Variants in SLC17A9 observed in about 807,000 individuals in gnomAD.
SLC17A9 encodes the protein voltage-gated purine nucleotide uniporter SLC17A9.
A neutral mutation model predicts 55.0 loss-of-function variants in SLC17A9; 49 were observed. That is an observed-to-expected ratio of 0.89 (90% CI 0.71 to 1.13). The LOEUF (loss-of-function observed/expected upper bound fraction) is 1.13, where lower values mean the gene tolerates loss of function less well. Among genes scored for constraint, SLC17A9 ranks in the 50% most tolerant of loss-of-function variants. The pLI is 0.00. For missense variants in SLC17A9, 526 were observed against 569.3 expected (o/e 0.92, Z 0.77); for synonymous variants, 256 against 247.4 (o/e 1.03, Z -0.32).
Position 62,967,500 on chromosome 20 carries a change from G to T in SLC17A9, c.1311G>T (p.Ter437TyrextTer136), listed in dbSNP as rs2065651470. 6.2e-6 allele frequency: 10 copies of T among 1,613,396 alleles called. No homozygotes were observed. Among genetic ancestry groups the T allele is most frequent in the Non-Finnish European group, 8.5e-6 (10 of 1,179,546 alleles). The change falls in exon 13 of 13, where the codon TAG becomes TAT. Residue 437 changes from the stop codon to tyrosine (Y), a stop_lost. Coordinates refer to ENST00000370351, the MANE Select transcript of SLC17A9 (RefSeq NM_022082.4). ...TGAGCTCTACCCATGAGGACCTCTA[G>T]CTCCCAACCCCACAGCCTCTCCAAG... ...VDLSSTHEDL[*>Y] is the part of the protein sequence containing the mutation.
At chr20:62,964,154 C>G in intron 7 of SLC17A9, 74 bp from the exon 8 acceptor site, 2 of 1,497,656 alleles carry the variant, frequency 1.3e-6, no homozygotes, top group African/African-American at 1.4e-5. Context: ...GGGGCGCTGT[C>G]CAGCCTGAGT....
rs756830899 is a variant in SLC17A9, at chr20:62,962,898, G to A, written c.628+144G>A. Reference sequence around the variant, plus strand: ...AAAGAATCCGCCAGTGAGGAAAAGCGCTCGGGTGCTGAGCTGTCAGCGGCT... The same window carrying A: ...AAAGAATCCGCCAGTGAGGAAAAGCACTCGGGTGCTGAGCTGTCAGCGGCT... On this transcript the variant is annotated intron_variant, in intron 5 of 12. Transcript: ENST00000370351. This position sits in a 1 kb window ranked among gnomAD's most constrained non-coding sequence, Gnocchi z 5.5. The A allele has an allele frequency of 4.1e-6, 5 of 1,220,040 alleles. No individual in the cohort carries two copies. The highest frequency in any genetic ancestry group is 2.4e-5 in the Admixed American group (1 of 42,470). 75.6% of individuals were successfully genotyped at this position (1,220,040 alleles called of 1,614,324 possible).
rs1418230741 is a variant in SLC17A9 at position 62,958,935 on chromosome 20, G to A, written c.397+1355G>A. 2.0e-5 allele frequency among the ~76,000 whole-genome samples: 3 copies of A among 152,258 alleles called. No individual in the cohort carries two copies. The East Asian group carries it at 5.8e-4, about 29-fold the overall frequency. On this transcript the variant is annotated intron_variant, in intron 3 of 12. Transcript: ENST00000370351. The surrounding 1 kb of genome is among the most constrained non-coding windows in gnomAD (Gnocchi z 4.1). ...TGCAACTGAGGACTTAGGATTGTGT[G>A]TTTACTGTGAGGCCCCATCCCAGAG...
rs1431852159 is a variant in SLC17A9 at position 62,963,995 on chromosome 20, C to T, written c.823-233C>T. On this transcript the variant is annotated intron_variant, in intron 7 of 12. Transcript: ENST00000370351. The stretch of plus-strand genomic sequence containing the variant: ...AGCCTGAGGAGGCCGGTGCAGAAGC[C>T]GGGATGTGGACAGAGGGGTCACCTG... 5.5e-5 allele frequency: 33 copies of T among 605,044 alleles called. No individual in the cohort carries two copies. The Middle Eastern group carries it at 1.8e-3, about 32-fold the overall frequency. 37.5% of individuals were successfully genotyped at this position (605,044 alleles called of 1,614,324 possible).
intron 4 of SLC17A9, 90 bp downstream of exon 4, chr20:62,960,693 A>C: frequency 7.8e-7 from 1 of 1,277,274 alleles, no homozygotes; most frequent in Non-Finnish European, 1.1e-6. Context: ...GATGGGCCAC[A>C]TGGGCTTGCA....
At chr20:62,955,004 A>G (rs1331356482) in intron 1 of SLC17A9, among the ~76,000 whole-genome samples, 1 of 151,616 alleles carries the variant, frequency 6.6e-6, no homozygotes, top group Non-Finnish European at 1.5e-5. Context: ...TCTGTTGCCC[A>G]GGCTAGAGTG....
chr20:62,967,634 A>G lies in SLC17A9; in HGVS notation c.*134A>G. ...GAACACAAACCACTGTGGAGCCTGA[A>G]GCTCCTTAAGAAGAGTCCACAACAG... On this transcript the variant is annotated 3_prime_UTR_variant, in exon 13 of 13. Transcript: ENST00000370351. The G allele has an allele frequency of 2.1e-6, 1 of 472,706 alleles. No individual in the cohort carries two copies. Among genetic ancestry groups the G allele is most frequent in the Non-Finnish European group, 3.2e-6 (1 of 309,522 alleles). The allele number at this position is 472,706 out of a possible 1,614,324, so 29.3% of individuals were successfully genotyped here.
chr20:62,957,294 A>T (rs760323985), intron 2 of SLC17A9, 147 bp from the exon 3 acceptor site: 9 of 1,474,442 alleles, frequency 6.1e-6, no homozygotes, highest in Non-Finnish European at 8.0e-6. Flanking sequence ...TCTCCTCACG[A>T]GGCAGCTCTG....
rs770915034 is a variant in SLC17A9, at chr20:62,960,611, C to T, written c.497+8C>T. The T allele has an allele frequency of 1.2e-6, 2 of 1,608,808 alleles. No homozygotes were observed. Among genetic ancestry groups the T allele is most frequent in the African/African-American group, 1.3e-5 (1 of 75,040 alleles). On this transcript the variant is annotated splice_region_variant and intron_variant, in intron 4 of 12. Coordinates refer to ENST00000370351, the MANE Select transcript of SLC17A9 (RefSeq NM_022082.4). ...CGCCGGCTCCCAGTTTGGGTAAGTCCTGGCCTAAGACGGGGCCCAGGAGAG... is the reference window on the plus strand; with the variant it reads ...CGCCGGCTCCCAGTTTGGGTAAGTCTTGGCCTAAGACGGGGCCCAGGAGAG...
At position 62,952,775 on chromosome 20, in the gene SLC17A9, T is replaced by C. The variant is rs1002201039; in HGVS notation, c.-56T>C. The C allele has an allele frequency of 2.4e-5, 37 of 1,521,366 alleles. No individual in the cohort carries two copies. Among genetic ancestry groups the C allele is most frequent in the Non-Finnish European group, 3.3e-5 (37 of 1,137,270 alleles). The allele number at this position is 1,521,366 out of a possible 1,614,324, so 94.2% of individuals were successfully genotyped here. A position where few individuals can be genotyped will look rare whatever the true frequency, so the allele number is the denominator to read the frequency against. On this transcript the variant is annotated 5_prime_UTR_variant, in exon 1 of 13. Transcript: ENST00000370351. ...GCTGCCCGGGTGGGTCAGCCTGGGC[T>C]GGGAGGCAGCCCCGGGACACAGCTG... is the stretch of plus-strand genomic sequence containing the variant.
At chr20:62,966,408 G>A in intron 10 of SLC17A9, 117 bp from the exon 11 acceptor site, 2 of 1,185,176 alleles carry the variant, frequency 1.7e-6, no homozygotes, top group Non-Finnish European at 2.4e-6. Flanking sequence ...GCCTGAGCGT[G>A]TCCCAGCCCC....
At position 62,965,155 on chromosome 20, in the gene SLC17A9, A is replaced by C. The variant is rs200466135; in HGVS notation, c.934A>C (p.Lys312Gln). ...NQGYRAITVRKLMQGMGLGLS... is the reference protein window; with the variant it reads ...NQGYRAITVRQLMQGMGLGLS... ...AGGTTACAGAGCCATCACGGTGCGG[A>C]AGCTCATGCAGGTAGGAGAATCATT... The change falls in exon 9 of 13, where the codon AAG becomes CAG. Residue 312 changes from lysine (K) to glutamine (Q), a missense_variant. Physicochemically the swap from Lys to Gln is moderately conservative, Grantham distance 53. Transcript: ENST00000370351. The C allele has an allele frequency of 2.5e-6, 4 of 1,614,118 alleles. No individual in the cohort carries two copies. The highest frequency in any genetic ancestry group is 3.4e-6 in the Non-Finnish European group (4 of 1,180,034).
rs375057014 is a variant in SLC17A9, at chr20:62,963,309, G to A, written c.665G>A (p.Arg222Gln). 9.3e-6 allele frequency: 15 copies of A among 1,613,724 alleles called. No individual in the cohort carries two copies. Among genetic ancestry groups the A allele is most frequent in the African/African-American group, 5.3e-5 (4 of 74,946 alleles). Residue 222 changes from arginine to glutamine, a missense_variant, in exon 6 of 13, where the codon CGG becomes CAG. Arg to Gln is a conservative substitution (Grantham distance 43). Transcript: ENST00000370351. ...ILALGVLAQSRPVSRHNRVPW... is the reference protein window; with the variant it reads ...ILALGVLAQSQPVSRHNRVPW... ...GCCTTGGGTGTCCTGGCCCAAAGCC[G>A]GCCGGTGTCCAGGCACAACAGAGTC...
chr20:62,954,269 C>T (rs2065516571), intron 1 of SLC17A9, among the ~76,000 whole-genome samples: 1 of 152,226 alleles, frequency 6.6e-6, no homozygotes, highest in Non-Finnish European at 1.5e-5. Flanking sequence ...CACACGCACG[C>T]CTTTTCCTAG....
At chr20:62,967,146 C>CCCCTCCAAGA in intron 12 of SLC17A9, 191 bp from the exon 13 acceptor site, 1 of 655,408 alleles carries the variant, frequency 1.5e-6, no homozygotes, top group Non-Finnish European at 2.6e-6. Context: ...GAGATCTCTG[C>CCCCTCCAAGA]CCCTCCAAGA....
chr20:62,967,123 C>T, intron 12 of SLC17A9: 1 of 608,570 alleles, frequency 1.6e-6, no homozygotes, highest in Non-Finnish European at 2.9e-6. Context: ...AGGCCATTTT[C>T]TGGATGGCCT....
chr20:62,955,718 A>G (rs961311382), intron 1 of SLC17A9, among the ~76,000 whole-genome samples: 3 of 152,208 alleles, frequency 2.0e-5, no homozygotes, highest in Non-Finnish European at 4.4e-5. Context: ...TAAGTCAATG[A>G]AAACTGTTTA....
intron 7 of SLC17A9, 133 bp downstream of exon 7, chr20:62,963,813 C>G: frequency 3.8e-6 from 3 of 798,226 alleles, no homozygotes; most frequent in Non-Finnish European, 6.0e-6. Flanking sequence ...GGTCCTGGCA[C>G]TGCCAGGCTC....
intron 7 of SLC17A9, 57 bp downstream of exon 7, chr20:62,963,737 T>C: frequency 6.8e-7 from 1 of 1,480,786 alleles, no homozygotes; most frequent in Non-Finnish European, 9.2e-7. Flanking sequence ...AGGCTTGAGC[T>C]GCACCAGGCA....
Sources: gnomAD v4.1 joint callset for allele counts (sites outside exome capture counted in the v4.1 genomes callset) on GRCh38, gnomAD v4.1.1 for gene constraint, Gnocchi (gnomAD v3.1) non-coding constraint, MANE v1.5 for transcripts, NCBI Gene and HGNC (gene_info 2026-07-23, HGNC 2026-07-21) for gene names.